The following TMEM117 variants were observed in gnomAD, a reference collection of about 807,000 sequenced individuals.
TMEM117 encodes the protein transmembrane protein 117.
A neutral mutation model predicts 52.4 loss-of-function variants in TMEM117; 27 were observed. The ratio of observed to expected loss-of-function variants is 0.51; its 90% CI spans 0.38 to 0.71. The LOEUF (loss-of-function observed/expected upper bound fraction) is 0.71. Among genes scored for constraint, TMEM117 ranks in the 30% least tolerant of loss-of-function variants. The pLI, the probability that TMEM117 is intolerant of heterozygous loss-of-function variation, is 0.00. For synonymous variants in TMEM117, 215 were observed against 206.3 expected, an observed-to-expected ratio of 1.04 and a Z score of -0.36; for missense variants, 556 against 630.5, an observed-to-expected ratio of 0.88 and a Z score of 1.26.
At chr12:44,214,126 AT>A (rs71832267) in intron 5 of TMEM117, among the ~76,000 whole-genome samples, 13,563 of 138,324 alleles carry the variant, frequency 0.098, 834 homozygotes, top group Middle Eastern at 0.2. Flanking sequence ...TGTCTTACAA[AT>A]TTTTTTTTTA....
intron 2 of TMEM117, among the ~76,000 whole-genome samples, chr12:43,919,067 C>T (rs925175845): frequency 6.6e-6 from 1 of 152,140 alleles, no homozygotes; most frequent in African/African-American, 2.4e-5. Context: ...GTATCTCCAG[C>T]CCTGCATTCT....
At chr12:43,879,231 A>G (rs1943853964) in intron 2 of TMEM117, among the ~76,000 whole-genome samples, 1 of 152,212 alleles carries the variant, frequency 6.6e-6, no homozygotes, top group Admixed American at 6.5e-5. Flanking sequence ...AAGTTAATGA[A>G]TAAGGCAGAT....
chr12:43,944,158 A>G (rs1592382103), intron 2 of TMEM117, 52 bp from the exon 3 acceptor site: 5 of 1,475,360 alleles, frequency 3.4e-6, no homozygotes, highest in East Asian at 4.6e-5. Context: ...GCAAAGATCC[A>G]TGAATTTTGA....
At chr12:44,301,808 C>G (rs771548984) in intron 6 of TMEM117, among the ~76,000 whole-genome samples, 1 of 152,166 alleles carries the variant, frequency 6.6e-6, no homozygotes, top group African/African-American at 2.4e-5. Flanking sequence ...GGCAATCACC[C>G]TCTAGCTGTC....
chr12:44,379,824 T>G (rs1021114166), intron 7 of TMEM117, among the ~76,000 whole-genome samples: 1 of 152,212 alleles, frequency 6.6e-6, no homozygotes, highest in Admixed American at 6.5e-5. Context: ...TATGGAGACT[T>G]CAGTGCTTTT....
chr12:44,258,151 G>A (rs1285111073), intron 5 of TMEM117, among the ~76,000 whole-genome samples: 1 of 152,012 alleles, frequency 6.6e-6, no homozygotes, highest in African/African-American at 2.4e-5. Context: ...CAAAGCATTA[G>A]GTGGGCATTT....
At chr12:44,055,348 A>G (rs1461504748) in intron 3 of TMEM117, among the ~76,000 whole-genome samples, 1 of 152,236 alleles carries the variant, frequency 6.6e-6, no homozygotes, top group African/African-American at 2.4e-5. Flanking sequence ...CAAGAAAAAA[A>G]CATGTAGCTG....
the TMEM117 span, among the ~76,000 whole-genome samples, chr12:43,819,134 A>G: frequency 6.6e-6 from 1 of 152,170 alleles, no homozygotes; most frequent in African/African-American, 2.4e-5. Flanking sequence ...GAGGGGAAGG[A>G]GGGATTTGTT....
intron 6 of TMEM117, among the ~76,000 whole-genome samples, chr12:44,333,947 A>ATCTGTCTG (rs1344986767): frequency 6.6e-6 from 1 of 151,976 alleles, no homozygotes; most frequent in Non-Finnish European, 1.5e-5. Flanking sequence ...TGGGTTTCAA[A>ATCTGTCTG]TCTGTCTGCT....
At chr12:44,266,716 C>T (rs1950382282) in intron 5 of TMEM117, among the ~76,000 whole-genome samples, 2 of 152,012 alleles carry the variant, frequency 1.3e-5, no homozygotes, top group South Asian at 4.1e-4. Context: ...AAGATTTATT[C>T]CTATAATTTC....
intron 5 of TMEM117, among the ~76,000 whole-genome samples, chr12:44,284,050 C>T (rs771716353): frequency 6.6e-6 from 1 of 152,122 alleles, no homozygotes; most frequent in Non-Finnish European, 1.5e-5. Flanking sequence ...TGCGGTGGCT[C>T]ACATCTGTAA....
intron 5 of TMEM117, among the ~76,000 whole-genome samples, chr12:44,296,946 G>A (rs986317939): frequency 2.6e-5 from 4 of 152,164 alleles, no homozygotes; most frequent in African/African-American, 9.7e-5. Context: ...TCATAAGCCT[G>A]GCAACTGGGT....
intron 4 of TMEM117, among the ~76,000 whole-genome samples, chr12:44,172,192 T>C (rs1320177083): frequency 6.6e-6 from 1 of 152,190 alleles, no homozygotes; most frequent in East Asian, 1.9e-4. Flanking sequence ...ACTGTCTATA[T>C]TAGATTCCTA....
intron 3 of TMEM117, among the ~76,000 whole-genome samples, chr12:44,140,775 T>C (rs1206011578): frequency 6.6e-6 from 1 of 152,102 alleles, no homozygotes; most frequent in African/African-American, 2.4e-5. Context: ...GAGGGCTGTA[T>C]TCTCTTGGAC....
chr12:44,167,767 C>A lies in TMEM117; in HGVS notation c.510+24143C>A, dbSNP rs151302307. On this transcript the variant is annotated intron_variant, in intron 4 of 7. Transcript: ENST00000266534. ...GCTTAGCTTTGTTGAGTCTTAGTTT[C>A]TTCCCTAGAAGAGTAGAGGAAATAA... is the stretch of plus-strand genomic sequence containing the variant. Among the ~76,000 whole-genome samples, 562 of 152,250 alleles carry A rather than the reference C, an allele frequency of 3.7e-3. 2 individuals are homozygous for A. Among genetic ancestry groups the A allele is most frequent in the African/African-American group, 0.012 (511 of 41,542 alleles).
chr12:44,250,330 A>G (rs1196328832), intron 5 of TMEM117, among the ~76,000 whole-genome samples: 1 of 152,230 alleles, frequency 6.6e-6, no homozygotes, highest in Admixed American at 6.5e-5. Flanking sequence ...TAAAAAAGTC[A>G]GGAAACGGTA....
chr12:44,269,575 C>T (rs1167746351), intron 5 of TMEM117, among the ~76,000 whole-genome samples: 1 of 151,738 alleles, frequency 6.6e-6, no homozygotes, highest in East Asian at 1.9e-4. Context: ...CCTTCCTCAT[C>T]GTCTACATTT....
chr12:43,910,257 C>A lies in TMEM117; in HGVS notation c.278-33953C>A, dbSNP rs181446397. Among the ~76,000 whole-genome samples the A allele has an allele frequency of 7.6e-3, 1,156 of 151,914 alleles. 12 individuals carry two copies. The highest frequency in any genetic ancestry group is 0.025 in the African/African-American group (1,052 of 41,428). On this transcript the variant is annotated intron_variant, in intron 2 of 7. Transcript: ENST00000266534. ...AAAGCCAAAAACCACATGATTATCT[C>A]AACAGATGCAGAAAAGGCCTTTGAC...
At chr12:44,312,948 T>C (rs1163853269) in intron 6 of TMEM117, among the ~76,000 whole-genome samples, 1 of 152,198 alleles carries the variant, frequency 6.6e-6, no homozygotes, top group Non-Finnish European at 1.5e-5. Flanking sequence ...TGCCCACTTT[T>C]AGATGAGATT....
Sources: allele counts gnomAD v4.1 joint callset (sites outside exome capture counted in the v4.1 genomes callset), GRCh38; gene constraint gnomAD v4.1.1; transcripts MANE v1.5; gene names NCBI Gene and HGNC (gene_info 2026-07-23, HGNC 2026-07-21).